The following SETD1A variants were observed in gnomAD, a reference collection of about 807,000 sequenced individuals.
The protein encoded by SETD1A is histone-lysine N-methyltransferase SETD1A.
Under a neutral mutation model 149.9 loss-of-function variants are expected in SETD1A, and 29 were observed. The observed-to-expected ratio is 0.19, with a 90% CI of 0.14 to 0.26. The LOEUF is 0.26. Ranked by LOEUF, SETD1A falls within the 10% of genes least tolerant of loss-of-function variation. The pLI is 1.00. For synonymous variants in SETD1A, 1,141 were observed against 968.5 expected (o/e 1.18, Z -3.31); for missense variants, 2,109 against 2,353.1 (o/e 0.90, Z 2.15).
intron 13 of SETD1A, among the ~76,000 whole-genome samples, chr16:30,978,024 C>G (rs543163965): frequency 1.7e-4 from 26 of 151,774 alleles, no homozygotes; most frequent in African/African-American, 6.3e-4. Flanking sequence ...GCCTGTAACC[C>G]CAGCACTTTG....
chr16:30,978,296 G>A (rs1251925640), intron 13 of SETD1A, among the ~76,000 whole-genome samples: 1 of 148,336 alleles, frequency 6.7e-6, no homozygotes, highest in African/African-American at 2.5e-5. Context: ...AAAAAAGATA[G>A]GAACCTCTTT....
chr16:30,979,254 C>T lies in SETD1A; in HGVS notation c.3468C>T (p.Pro1156=). 4 of 1,611,164 alleles carry T rather than the reference C, an allele frequency of 2.5e-6. No homozygotes were observed. Among genetic ancestry groups the T allele is most frequent in the Non-Finnish European group, 3.4e-6 (4 of 1,178,356 alleles). ...ATGAGCGTCCCTCTTCTCCCATCCCCCTCCTGCCCCCACCCAAGAAACGCC... is the reference window on the plus strand; with the variant it reads ...ATGAGCGTCCCTCTTCTCCCATCCCTCTCCTGCCCCCACCCAAGAAACGCC... ...RPDERPSSPI[P]LLPPPKKRRK... The change falls in exon 14 of 19, where the codon CCC becomes CCT. Residue 1156 remains proline (P), a synonymous_variant. Coordinates refer to ENST00000262519, the MANE Select transcript of SETD1A (RefSeq NM_014712.3).
intron 13 of SETD1A, among the ~76,000 whole-genome samples, chr16:30,977,809 G>A (rs1041068963): frequency 2.0e-5 from 3 of 152,218 alleles, no homozygotes; most frequent in East Asian, 1.9e-4. Flanking sequence ...TCCTAGGGCC[G>A]GGCCTGGTGC....
chr16:30,974,469 G>A (rs768234598), intron 13 of SETD1A, among the ~76,000 whole-genome samples: 15 of 152,148 alleles, frequency 9.9e-5, no homozygotes, highest in Non-Finnish European at 2.2e-4. Flanking sequence ...GGCTGAGAGC[G>A]GTGACCAGAG....
At position 30,973,220 on chromosome 16, in the gene SETD1A, G is replaced by A. The variant is rs561415866; in HGVS notation, c.3358+1501G>A. ...TATTTTGAAGTAGAAACCCATCAGAGGAATGACATGGTCAGATGTATGTTT... is the reference window on the plus strand; with the variant it reads ...TATTTTGAAGTAGAAACCCATCAGAAGAATGACATGGTCAGATGTATGTTT... On this transcript the variant is annotated intron_variant, in intron 13 of 18. Transcript: ENST00000262519. Among the ~76,000 whole-genome samples, 6 of 152,296 alleles carry A rather than the reference G, an allele frequency of 3.9e-5. No homozygotes were observed. The South Asian group carries it at 1.2e-3, about 32-fold the overall frequency.
In SETD1A at chr16:30,964,755, C is replaced by G. The variant is rs761719456; in HGVS notation, c.1013C>G (p.Ser338Cys). 1 of 1,614,214 alleles carries G rather than the reference C, an allele frequency of 6.2e-7. No homozygotes were observed. Among genetic ancestry groups the G allele is most frequent in the African/African-American group, 1.3e-5 (1 of 75,060 alleles). The change falls in exon 7 of 19, where the codon TCC becomes TGC. Residue 338 changes from serine to cysteine, a missense_variant. Coordinates refer to ENST00000262519, the MANE Select transcript of SETD1A (RefSeq NM_014712.3). ...ACCACTGCAGCCACTGCCTCATCCT[C>G]CGCCTCTTCCTCCTCATTGTCCTCG... Reference protein sequence around the residue: ...AATTAATASSSASSSSLSSSS... With the variant: ...AATTAATASSCASSSSLSSSS...
At chr16:30,973,358 G>A (rs1462896170) in intron 13 of SETD1A, among the ~76,000 whole-genome samples, 1 of 152,124 alleles carries the variant, frequency 6.6e-6, no homozygotes, top group Non-Finnish European at 1.5e-5. Flanking sequence ...TTGGACTTAG[G>A]GTGTTGCAAG....
intron 7 of SETD1A, 69 bp from the exon 8 acceptor site, chr16:30,965,531 AG>A (rs2056128275): frequency 1.3e-6 from 2 of 1,590,022 alleles, no homozygotes; most frequent in African/African-American, 2.7e-5. Context: ...GGGAGAGGGA[AG>A]GGAACCAGAT....
Position 30,966,333 on chromosome 16 carries a change from G to A in SETD1A, c.2452G>A (p.Val818Met), listed in dbSNP as rs2056147043. The A allele has an allele frequency of 1.9e-6, 3 of 1,613,548 alleles. No individual in the cohort carries two copies. Among genetic ancestry groups the A allele is most frequent in the African/African-American group, 1.3e-5 (1 of 74,948 alleles). The change falls in exon 8 of 19, where the codon GTG (valine) becomes ATG (methionine). Residue 818 changes from valine to methionine, a missense_variant. Coordinates refer to ENST00000262519, the MANE Select transcript of SETD1A (RefSeq NM_014712.3). ...RDLNRKMVENVAFGAFDQWWE... is the reference protein window; with the variant it reads ...RDLNRKMVENMAFGAFDQWWE... The stretch of plus-strand genomic sequence containing the variant: ...CCTCAACCGCAAGATGGTGGAGAAC[G>A]TGGCCTTCGGAGCCTTTGACCAGTG...
rs374755329 is a variant in SETD1A, at chr16:30,980,369, G to T, written c.4409-116G>T. On this transcript the variant is annotated intron_variant, in intron 14 of 18. Coordinates refer to ENST00000262519, the MANE Select transcript of SETD1A (RefSeq NM_014712.3). This position sits in a 1 kb window ranked among gnomAD's most constrained non-coding sequence, Gnocchi z 7.7. ...ATTTCTGGCAGGAACGATGGGGCTG[G>T]GGCTTCCTCCCCTGTCCCTCACCTG... 5 of 1,458,960 alleles carry T rather than the reference G, an allele frequency of 3.4e-6. No individual in the cohort carries two copies. Among genetic ancestry groups the T allele is most frequent in the Non-Finnish European group, 3.7e-6 (4 of 1,081,030 alleles). 90.4% of individuals were successfully genotyped at this position (1,458,960 alleles called of 1,614,324 possible).
At chr16:30,968,817 T>G (rs1462679270) in intron 10 of SETD1A, among the ~76,000 whole-genome samples, 2 of 149,156 alleles carry the variant, frequency 1.3e-5, no homozygotes, top group Non-Finnish European at 3.0e-5. Context: ...AAAATATATA[T>G]ATATATGCCA....
intron 10 of SETD1A, 74 bp downstream of exon 10, chr16:30,967,662 A>AG: frequency 7.5e-7 from 1 of 1,340,014 alleles, no homozygotes. Flanking sequence ...GTAGGGATGA[A>AG]GGGGTCAGGT....
chr16:30,969,634 T>A lies in SETD1A; in HGVS notation c.2961T>A (p.Asp987Glu), dbSNP rs1195675970. ...AGGATGACGAGGAAGATGAGGAAGA[T>A]GAAGATCGAGAGGAAGCTGTGGATA... ...DEEDDEEDEE[D>E]EDREEAVDTT... is the part of the protein sequence containing the mutation. The change falls in exon 12 of 19, where the codon GAT becomes GAA. Residue 987 changes from aspartate to glutamate, a missense_variant. Physicochemically the swap from Asp to Glu is conservative, Grantham distance 45 (BLOSUM62 2). This residue lies in a region of SETD1A where 832 missense variants were observed against 815.6 expected (regional missense o/e 1.02). Transcript: ENST00000262519. 1 of 1,614,140 alleles carries A rather than the reference T, an allele frequency of 6.2e-7. No individual in the cohort carries two copies. The highest frequency in any genetic ancestry group is 8.5e-7 in the Non-Finnish European group (1 of 1,180,002).
chr16:30,978,855 G>T (rs535143169), intron 13 of SETD1A, among the ~76,000 whole-genome samples: 1 of 152,350 alleles, frequency 6.6e-6, no homozygotes, highest in East Asian at 1.9e-4. Flanking sequence ...ACAGCTTGTT[G>T]TGATGGTGTC....
Position 30,965,781 on chromosome 16 carries a change from C to A in SETD1A, c.1900C>A (p.Leu634Ile). The A allele has an allele frequency of 6.3e-7, 1 of 1,591,680 alleles. No homozygotes were observed. Residue 634 changes from leucine (L) to isoleucine (I), a missense_variant, in exon 8 of 19, where the codon CTC becomes ATC. Transcript: ENST00000262519. ...TCCTCCCCACCAACCTGCCTACCTC[C>A]TCCCACCCAGACCTGATGGGCCGCC... ...GYPPHQPAYLLPPRPDGPPPP... is the reference protein window; with the variant it reads ...GYPPHQPAYLIPPRPDGPPPP...
Position 30,981,045 on chromosome 16 carries a change from C to G in SETD1A, c.4693-16C>G, listed in dbSNP as rs201174506. 1.3e-4 allele frequency: 203 copies of G among 1,613,746 alleles called. No individual in the cohort carries two copies. The highest frequency in any genetic ancestry group is 2.8e-4 in the Admixed American group (17 of 59,992). ...TGGGAGGTGTCTGGCAGTTGAGTCT[C>G]CCTTCTGCCCCCCAGTTCCGGAAGA... On this transcript the variant is annotated splice_polypyrimidine_tract_variant and intron_variant, in intron 16 of 18. Transcript: ENST00000262519.
At position 30,980,697 on chromosome 16, in the gene SETD1A, T is replaced by C. The variant is rs2143588931; in HGVS notation, c.4581+40T>C. The stretch of plus-strand genomic sequence containing the variant: ...GCCGCCGCGTCCTCCTGCCACTCAC[T>C]TCCCTGCCCTGCTCACCTCCTCCCT... On this transcript the variant is annotated intron_variant, in intron 15 of 18. Transcript: ENST00000262519. This position sits in a 1 kb window ranked among gnomAD's most constrained non-coding sequence, Gnocchi z 7.7. The C allele has an allele frequency of 6.2e-7, 1 of 1,610,778 alleles. No individual in the cohort carries two copies. Among genetic ancestry groups the C allele is most frequent in the South Asian group, 1.1e-5 (1 of 90,900 alleles).
At chr16:30,977,287 C>A (rs1301953420) in intron 13 of SETD1A, among the ~76,000 whole-genome samples, 1 of 152,056 alleles carries the variant, frequency 6.6e-6, no homozygotes, top group Non-Finnish European at 1.5e-5. Context: ...TCAGTCACCA[C>A]CGTCTTAGTG....
At chr16:30,958,550 C>T (rs1386195726) in intron 1 of SETD1A, among the ~76,000 whole-genome samples, 167 bp from the exon 2 acceptor site, 1 of 151,736 alleles carries the variant, frequency 6.6e-6, no homozygotes, top group African/African-American at 2.4e-5. Context: ...GTTGTTGTGG[C>T]GAAACAGAGG....
Sources: allele counts gnomAD v4.1 joint callset (sites outside exome capture counted in the v4.1 genomes callset), GRCh38; gene constraint gnomAD v4.1.1; regional missense constraint gnomAD v4.1.1; non-coding constraint Gnocchi (gnomAD v3.1); transcripts MANE v1.5; gene names NCBI Gene and HGNC (gene_info 2026-07-23, HGNC 2026-07-21).